HTT: variants seen among roughly 807,000 people sequenced by gnomAD.
HTT encodes the protein huntington disease protein.
Under a neutral mutation model 362.3 loss-of-function variants are expected in HTT, and 104 were observed. The observed-to-expected ratio is 0.29, with a 90% CI of 0.24 to 0.34. The LOEUF (loss-of-function observed/expected upper bound fraction) is 0.34. Among genes scored for constraint, HTT ranks in the 10% least tolerant of loss-of-function variants. The probability of loss-of-function intolerance (pLI) is 1.00; values close to 1 mark genes in which losing one functional copy is unlikely to be tolerated. For missense variants in HTT, 3,301 were observed against 3,928.6 expected, an observed-to-expected ratio of 0.84 and a Z score of 4.27; for synonymous variants, 1,577 against 1,548.7, an observed-to-expected ratio of 1.02 and a Z score of -0.43.
At chr4:3,187,917 C>A in intron 39 of HTT, 31 bp downstream of exon 39, 1 of 1,377,852 alleles carries the variant, frequency 7.3e-7, no homozygotes, top group Non-Finnish European at 1.0e-6. Flanking sequence ...TATAACTAAC[C>A]CATGCCTTTT....
chr4:3,240,322 G>C lies in HTT; in HGVS notation c.*263G>C, dbSNP rs1721750868. On this transcript the variant is annotated 3_prime_UTR_variant, in exon 67 of 67. Coordinates refer to ENST00000355072, the MANE Select transcript of HTT (RefSeq NM_001388492.1). ...GGAGCAGCTGTGCTGCACCCCATGT[G>C]GGTGACCAGGTCCTTTCTCCTGATA... is the stretch of plus-strand genomic sequence containing the variant. 2 of 534,086 alleles carry C rather than the reference G, an allele frequency of 3.7e-6. No individual in the cohort carries two copies. The highest frequency in any genetic ancestry group is 6.7e-6 in the Non-Finnish European group (2 of 297,626). 33.1% of individuals were successfully genotyped at this position (534,086 alleles called of 1,614,324 possible).
intron 3 of HTT, among the ~76,000 whole-genome samples, chr4:3,103,135 C>G (rs1279229021): frequency 2.0e-5 from 3 of 151,796 alleles, no homozygotes; most frequent in Non-Finnish European, 4.4e-5. Flanking sequence ...CCCGTATCAT[C>G]CAACAGAATG....
rs549106571 is a variant in HTT, at chr4:3,239,032, C to A, written c.9215+54C>A. ...CCCGTTTCCCTTGTCAACACCGAGG[C>A]TCATGTTTCATGATAAGGTTTTGAA... On this transcript the variant is annotated intron_variant, in intron 66 of 66. Transcript: ENST00000355072. 3.6e-5 allele frequency: 55 copies of A among 1,520,882 alleles called. No homozygotes were observed. In the South Asian group the frequency reaches 6.3e-4, roughly 17 times the overall value. 94.2% of individuals were successfully genotyped at this position (1,520,882 alleles called of 1,614,324 possible).
intron 64 of HTT, among the ~76,000 whole-genome samples, chr4:3,238,141 T>C (rs1440243057): frequency 6.7e-6 from 1 of 149,944 alleles, no homozygotes; most frequent in African/African-American, 2.5e-5. Context: ...TTACGTAGCT[T>C]TCAAACTCCT....
rs1715883566 is a variant in HTT at position 3,132,733 on chromosome 4, T to A, written c.2395+13T>A. On this transcript the variant is annotated intron_variant, in intron 17 of 66. Transcript: ENST00000355072. ...AGAACCCTCACAGGTAACGGCCAGT[T>A]TTTCAGCTGTGTTTTTTCTAGTTAT... 1.9e-6 allele frequency: 3 copies of A among 1,613,936 alleles called. No homozygotes were observed. In the African/African-American group the frequency reaches 4.0e-5, roughly 22 times the overall value.
chr4:3,118,093 C>G (rs189116377), intron 8 of HTT, among the ~76,000 whole-genome samples: 20 of 152,228 alleles, frequency 1.3e-4, no homozygotes, highest in Admixed American at 5.2e-4. Flanking sequence ...TTCCTGTGGT[C>G]TGATATACTG....
At chr4:3,202,301 A>G in intron 41 of HTT, among the ~76,000 whole-genome samples, 1 of 152,178 alleles carries the variant, frequency 6.6e-6, no homozygotes, top group Admixed American at 6.5e-5. Context: ...GCTGCTACAA[A>G]TTGGGGCTGA....
chr4:3,080,247 A>G (rs1455235298), intron 1 of HTT, among the ~76,000 whole-genome samples: 1 of 151,780 alleles, frequency 6.6e-6, no homozygotes. Context: ...GGCGTATACC[A>G]CCATGCCCAG....
intron 6 of HTT, among the ~76,000 whole-genome samples, chr4:3,114,575 A>G (rs1342241128): frequency 6.6e-6 from 1 of 152,256 alleles, no homozygotes; most frequent in African/African-American, 2.4e-5. Context: ...GTGCTTGCTC[A>G]GTGCATGCTG....
At chr4:3,217,988 G>A (rs778596954) in intron 52 of HTT, 36 bp downstream of exon 52, 7 of 1,553,776 alleles carry the variant, frequency 4.5e-6, no homozygotes, top group East Asian at 2.3e-5. Context: ...GACCAAGTAC[G>A]GTGAAAGGCA....
chr4:3,173,224 C>A, intron 31 of HTT, 93 bp downstream of exon 31: 1 of 938,864 alleles, frequency 1.1e-6, no homozygotes, highest in Non-Finnish European at 1.7e-6. Flanking sequence ...AAAATGTTAG[C>A]GAACATCTTC....
intron 46 of HTT, 87 bp from the exon 47 acceptor site, chr4:3,209,740 C>T (rs1720055897): frequency 2.6e-6 from 4 of 1,521,376 alleles, no homozygotes; most frequent in Non-Finnish European, 3.6e-6. Context: ...TGTTCCCAAG[C>T]ACTGGCCTAG....
At chr4:3,119,854 A>G (rs1388031297) in intron 8 of HTT, among the ~76,000 whole-genome samples, 2 of 152,218 alleles carry the variant, frequency 1.3e-5, no homozygotes, top group Admixed American at 6.5e-5. Context: ...TACGTAGAGC[A>G]GGTACCCAAA....
intron 38 of HTT, among the ~76,000 whole-genome samples, chr4:3,186,983 C>T (rs752369894): frequency 1.5e-4 from 23 of 151,594 alleles, no homozygotes; most frequent in Non-Finnish European, 2.8e-4. Flanking sequence ...CTCAGCCTCC[C>T]GAGTTGCTGG....
At position 3,154,197 on chromosome 4, in the gene HTT, T is replaced by C; in HGVS notation, c.3499-96T>C. ...AGTGACATGGGTTAGCTCTTTTTAA[T>C]AAATGGTAAAACCAAATATTCTAAT... On this transcript the variant is annotated intron_variant, in intron 26 of 66. Transcript: ENST00000355072. 5.7e-6 allele frequency: 6 copies of C among 1,052,806 alleles called. No individual in the cohort carries two copies. In the South Asian group the frequency reaches 9.9e-5, roughly 17 times the overall value. The allele number at this position is 1,052,806 out of a possible 1,614,324, so 65.2% of individuals were successfully genotyped here.
intron 27 of HTT, among the ~76,000 whole-genome samples, 177 bp from the exon 28 acceptor site, chr4:3,156,895 C>G (rs1217833806): frequency 6.6e-6 from 1 of 152,152 alleles, no homozygotes; most frequent in Non-Finnish European, 1.5e-5. Context: ...TACTTAGGCT[C>G]TACTTATGTT....
In HTT at chr4:3,136,099, A is replaced by G. The variant is rs1578526593; in HGVS notation, c.2698-127A>G. The G allele has an allele frequency of 7.8e-6, 7 of 901,036 alleles. No homozygotes were observed. In the East Asian group the frequency reaches 1.8e-4, roughly 23 times the overall value. 55.8% of individuals were successfully genotyped at this position (901,036 alleles called of 1,614,324 possible). A position where few individuals can be genotyped will look rare whatever the true frequency, so the allele number is the denominator to read the frequency against. On this transcript the variant is annotated intron_variant, in intron 20 of 66. Transcript: ENST00000355072. ...TTTCACAGTTTATATCATGAAAGTTATAATCTTGTCATATGGATTTAAGTC... is the reference window on the plus strand; with the variant it reads ...TTTCACAGTTTATATCATGAAAGTTGTAATCTTGTCATATGGATTTAAGTC...
intron 47 of HTT, 36 bp from the exon 48 acceptor site, chr4:3,211,893 G>A: frequency 6.9e-7 from 1 of 1,451,468 alleles, no homozygotes; most frequent in Non-Finnish European, 9.7e-7. Flanking sequence ...ATAATCTGTT[G>A]TTATTGTTTG....
intron 38 of HTT, 142 bp downstream of exon 38, chr4:3,186,861 G>C: frequency 2.0e-6 from 1 of 501,030 alleles, no homozygotes; most frequent in Non-Finnish European, 3.0e-6. Flanking sequence ...TTTTTTTTTT[G>C]GTGTGGGGGT....
Sources: allele counts gnomAD v4.1 joint callset (sites outside exome capture counted in the v4.1 genomes callset), GRCh38; gene constraint gnomAD v4.1.1; transcripts MANE v1.5; gene names NCBI Gene and HGNC (gene_info 2026-07-23, HGNC 2026-07-21).